ENTPD5: variants seen among roughly 807,000 people sequenced by gnomAD.
ENTPD5 encodes nucleoside diphosphate phosphatase ENTPD5.
ENTPD5 carries 49 observed loss-of-function variants against 60.2 expected under a neutral mutation model. The observed-to-expected ratio is 0.81, with a 90% CI of 0.65 to 1.03. ENTPD5 has a LOEUF of 1.03. Among genes scored for constraint, ENTPD5 ranks in the 50% least tolerant of loss-of-function variants. The probability of loss-of-function intolerance (pLI) is 0.00; values close to 1 mark genes in which losing one functional copy is unlikely to be tolerated. For missense variants in ENTPD5, 480 were observed against 507.6 expected, an observed-to-expected ratio of 0.95 and a Z score of 0.52; for synonymous variants, 187 against 185.4, an observed-to-expected ratio of 1.01 and a Z score of -0.07.
At chr14:73,963,003 C>G (rs1439161512), downstream of ENTPD5, 1 of 1,604,978 alleles carries the variant, frequency 6.2e-7, no homozygotes, top group East Asian at 2.2e-5. Flanking sequence ...CAAATGAGTA[C>G]TCCTCTCCTA....
chr14:73,971,520 A>G (rs1416244395), intron 14 of ENTPD5, among the ~76,000 whole-genome samples: 1 of 152,140 alleles, frequency 6.6e-6, no homozygotes, highest in Non-Finnish European at 1.5e-5. Context: ...AGCTGAAAAA[A>G]AATTTATTTT....
chr14:73,994,071 C>T (rs527701577), intron 3 of ENTPD5, among the ~76,000 whole-genome samples: 1 of 152,214 alleles, frequency 6.6e-6, no homozygotes, highest in East Asian at 1.9e-4. Context: ...CTTGCAATCG[C>T]ACTTTTAAGA....
chr14:73,970,343 T>G (rs554622109), intron 14 of ENTPD5, among the ~76,000 whole-genome samples: 97 of 151,998 alleles, frequency 6.4e-4, no homozygotes, highest in Non-Finnish European at 1.2e-3. Context: ...AATACAAAAA[T>G]TAGCAGGGCG....
intron 3 of ENTPD5, among the ~76,000 whole-genome samples, chr14:74,000,980 G>A (rs978430089): frequency 1.3e-5 from 2 of 152,154 alleles, no homozygotes; most frequent in Admixed American, 6.5e-5. Context: ...CAGGTACTCA[G>A]GAGGCTGAGG....
downstream of ENTPD5, chr14:73,960,493 C>T (rs1481921332): frequency 1.0e-6 from 1 of 995,698 alleles, no homozygotes; most frequent in East Asian, 1.1e-4. Flanking sequence ...GGGAACTGAA[C>T]ATACTGAAAT....
intron 6 of ENTPD5, among the ~76,000 whole-genome samples, chr14:73,981,047 T>C (rs1386796025): frequency 6.6e-6 from 1 of 152,020 alleles, no homozygotes; most frequent in Non-Finnish European, 1.5e-5. Context: ...TGTAGTGACC[T>C]GAGGTCGCAC....
chr14:73,999,952 G>A (rs940320772), intron 3 of ENTPD5, among the ~76,000 whole-genome samples: 1 of 151,712 alleles, frequency 6.6e-6, no homozygotes, highest in Non-Finnish European at 1.5e-5. Flanking sequence ...GCCAGGCATG[G>A]TGGCATGCAC....
chr14:73,969,526 A>T (rs2057127360), intron 15 of ENTPD5, among the ~76,000 whole-genome samples: 1 of 151,894 alleles, frequency 6.6e-6, no homozygotes, highest in East Asian at 1.9e-4. Context: ...ACATAGTGAA[A>T]CCCCATCTCC....
chr14:73,963,413 T>C lies in ENTPD5; in HGVS notation c.*3515A>G. 1 of 265,920 alleles carries C rather than the reference T, an allele frequency of 3.8e-6. No homozygotes were observed. Among genetic ancestry groups the C allele is most frequent in the South Asian group, 7.7e-5 (1 of 13,016 alleles). 16.5% of individuals were successfully genotyped at this position (265,920 alleles called of 1,614,324 possible). ...CTCGATGCATTTTTGTTAGAATTGC[T>C]GTTTAAATGTTAACATCAGAATGCA... On this transcript the variant is annotated 3_prime_UTR_variant, in exon 16 of 16. Transcript: ENST00000334696.
At chr14:73,971,295 T>C (rs1390907178) in intron 14 of ENTPD5, among the ~76,000 whole-genome samples, 2 of 151,902 alleles carry the variant, frequency 1.3e-5, no homozygotes, top group African/African-American at 4.8e-5. Flanking sequence ...GTAGCTGGGA[T>C]TACAGGCGCC....
In ENTPD5 at chr14:74,003,315, G is replaced by A. The variant is rs953182923; in HGVS notation, c.-71+7776C>T. The A allele has an allele frequency of 2.4e-4, 108 of 459,384 alleles. 1 individual carries two copies. The highest frequency in any genetic ancestry group is 3.4e-4 in the Non-Finnish European group (82 of 240,924). 28.5% of individuals were successfully genotyped at this position (459,384 alleles called of 1,614,324 possible). On this transcript the variant is annotated intron_variant, in intron 3 of 15. Coordinates refer to ENST00000334696, the MANE Select transcript of ENTPD5 (RefSeq NM_001249.5). The stretch of plus-strand genomic sequence containing the variant: ...AAGAACCTAGAAGAGCGTCCAAGGT[G>A]GAATTCAATAAAAACTGACAATAGA...
At chr14:73,975,628 G>A (rs545409214) in intron 10 of ENTPD5, among the ~76,000 whole-genome samples, 2 of 152,024 alleles carry the variant, frequency 1.3e-5, no homozygotes, top group East Asian at 1.9e-4. Flanking sequence ...GGTCTCAAAC[G>A]CCTGACCTCA....
At chr14:73,977,273 G>A in intron 7 of ENTPD5, 26 bp downstream of exon 7, 1 of 1,570,938 alleles carries the variant, frequency 6.4e-7, no homozygotes. Context: ...CTCTCCCCCT[G>A]GAACGCATAT....
At position 74,010,874 on chromosome 14, in the gene ENTPD5, T is replaced by A. The variant is rs372139786; in HGVS notation, c.-71+217A>T. Among the ~76,000 whole-genome samples the A allele has an allele frequency of 1.9e-4, 29 of 152,314 alleles. No homozygotes were observed. In the East Asian group the frequency reaches 3.1e-3, roughly 16 times the overall value. On this transcript the variant is annotated intron_variant, in intron 3 of 15. Coordinates refer to ENST00000334696, the MANE Select transcript of ENTPD5 (RefSeq NM_001249.5). ...TTTTCTTTTTAAATCTGTTGTAGGA[T>A]GTAAATCAGGAAGCCATAATTATTA...
At chr14:74,007,380 G>A (rs2058711811) in intron 3 of ENTPD5, among the ~76,000 whole-genome samples, 1 of 152,104 alleles carries the variant, frequency 6.6e-6, no homozygotes. Flanking sequence ...AATTAGCTGG[G>A]CATGCTGGCG....
intron 5 of ENTPD5, among the ~76,000 whole-genome samples, chr14:73,984,509 T>C (rs934868627): frequency 6.6e-6 from 1 of 152,342 alleles, no homozygotes; most frequent in African/African-American, 2.4e-5. Context: ...ATGCTCAATT[T>C]GTAATAAATG....
At chr14:73,967,799 C>CAAAAAAAAAAAAAAA (rs33926682) in intron 15 of ENTPD5, among the ~76,000 whole-genome samples, 2 of 97,820 alleles carry the variant, frequency 2.0e-5, no homozygotes, top group African/African-American at 8.3e-5. Flanking sequence ...GACCCTGTCT[C>CAAAAAAAAAAAAAAA]AAAAAAAAAA....
chr14:73,973,837 T>C (rs369893404), intron 12 of ENTPD5, 40 bp downstream of exon 12: 129 of 1,559,216 alleles, frequency 8.3e-5, no homozygotes, highest in Non-Finnish European at 9.6e-5. Flanking sequence ...AGAGCTTCCA[T>C]TGTAAACGTA....
chr14:73,956,749 A>T (rs1012083751), downstream of ENTPD5: 1 of 152,206 alleles, frequency 6.6e-6, no homozygotes, highest in African/African-American at 2.4e-5. Context: ...TATTTTAAAT[A>T]TAAATTTATC....
Sources: allele counts gnomAD v4.1 joint callset (sites outside exome capture counted in the v4.1 genomes callset), GRCh38; gene constraint gnomAD v4.1.1; transcripts MANE v1.5; gene names NCBI Gene and HGNC (gene_info 2026-07-23, HGNC 2026-07-21).